Variants in DAB2IP observed in about 807,000 individuals in gnomAD.
DAB2IP encodes the protein disabled homolog 2-interacting protein.
DAB2IP carries 28 observed loss-of-function variants against 107.2 expected under a neutral mutation model. The ratio of observed to expected loss-of-function variants is 0.26; its 90% CI spans 0.19 to 0.36. The LOEUF is 0.36. Among genes scored for constraint, DAB2IP ranks in the 10% least tolerant of loss-of-function variants. The pLI, the probability that DAB2IP is intolerant of heterozygous loss-of-function variation, is 1.00. For missense variants in DAB2IP, 1,400 were observed against 1,644.7 expected (o/e 0.85, Z 2.57); for synonymous variants, 755 against 706.4 (o/e 1.07, Z -1.09).
intron 9 of DAB2IP, among the ~76,000 whole-genome samples, chr9:121,767,940 A>G (rs1834400707): frequency 6.6e-6 from 1 of 152,104 alleles, no homozygotes; most frequent in Non-Finnish European, 1.5e-5. Context: ...TCTCAGGTGT[A>G]TCTGTATGGG....
chr9:121,623,190 C>T (rs538943094), intron 1 of DAB2IP, among the ~76,000 whole-genome samples: 4 of 152,326 alleles, frequency 2.6e-5, no homozygotes, highest in African/African-American at 7.2e-5. Flanking sequence ...CGCTGTGACA[C>T]GGCATGGCCA....
exon 16 of DAB2IP, chr9:121,783,717 G>GC (rs1170353527): frequency 3.3e-6 from 3 of 916,104 alleles, no homozygotes; most frequent in East Asian, 2.5e-5. Context: ...ACCCTTCCCG[G>GC]CCCCCGGCCA....
intron 1 of DAB2IP, among the ~76,000 whole-genome samples, chr9:121,572,488 C>T (rs1157419446): frequency 2.6e-5 from 4 of 152,268 alleles, no homozygotes; most frequent in East Asian, 1.9e-4. Flanking sequence ...TAACTTGCTC[C>T]GCATCCTTAG....
chr9:121,744,295 A>G lies in DAB2IP; in HGVS notation c.363-12718A>G, dbSNP rs1025837384. On this transcript the variant is annotated intron_variant, in intron 3 of 15. Coordinates refer to ENST00000408936, the Ensembl canonical transcript of DAB2IP. The stretch of plus-strand genomic sequence containing the variant: ...TGGAGGCGGGTGGGAGACTGGGAAG[A>G]CTGTGTCTGGGCCAGGAGCGTGTTT... Among the ~76,000 whole-genome samples, 3 of 152,156 alleles carry G rather than the reference A, an allele frequency of 2.0e-5. No homozygotes were observed. The East Asian group carries it at 5.8e-4, about 29-fold the overall frequency.
At chr9:121,717,643 C>T (rs1335482297) in intron 3 of DAB2IP, among the ~76,000 whole-genome samples, 1 of 152,260 alleles carries the variant, frequency 6.6e-6, no homozygotes, top group Non-Finnish European at 1.5e-5. Context: ...ATAGTTCTGG[C>T]TGCCGTGCCT....
intron 1 of DAB2IP, among the ~76,000 whole-genome samples, chr9:121,656,794 A>G (rs1046199487): frequency 6.6e-6 from 1 of 152,368 alleles, no homozygotes; most frequent in Admixed American, 6.5e-5. Context: ...TTCATAGGTG[A>G]GGAGACTGTA....
intron 3 of DAB2IP, among the ~76,000 whole-genome samples, chr9:121,727,522 A>G (rs1404281840): frequency 2.6e-5 from 4 of 152,216 alleles, no homozygotes; most frequent in Admixed American, 1.3e-4. Context: ...TTAGGATTCA[A>G]AAAGCCAGGG....
intron 1 of DAB2IP, among the ~76,000 whole-genome samples, chr9:121,577,957 G>C (rs1243781212): frequency 2.0e-5 from 3 of 152,088 alleles, no homozygotes; most frequent in Non-Finnish European, 4.4e-5. Flanking sequence ...CCTCCAGGCG[G>C]GGGTAGAGGT....
chr9:121,759,865 G>A lies in DAB2IP; in HGVS notation c.616-20G>A, dbSNP rs755095284. ...CGTGGCACCCCCAGCTGACCACCCT[G>A]GACCCCCGTGCACATACAGGACAAC... is the stretch of plus-strand genomic sequence containing the variant. On this transcript the variant is annotated intron_variant, in intron 5 of 15. Coordinates refer to ENST00000408936, the Ensembl canonical transcript of DAB2IP. 10 of 1,598,522 alleles carry A rather than the reference G, an allele frequency of 6.3e-6. No individual in the cohort carries two copies. In the Admixed American group the frequency reaches 1.7e-4, roughly 27 times the overall value.
At chr9:121,721,627 T>C (rs1830939908) in intron 3 of DAB2IP, among the ~76,000 whole-genome samples, 1 of 152,134 alleles carries the variant, frequency 6.6e-6, no homozygotes, top group African/African-American at 2.4e-5. Flanking sequence ...AATCTAGAGG[T>C]TTTTTTGTGA....
chr9:121,762,902 G>A (rs568771291), intron 6 of DAB2IP, among the ~76,000 whole-genome samples: 3 of 152,192 alleles, frequency 2.0e-5, no homozygotes, highest in Non-Finnish European at 4.4e-5. Flanking sequence ...TGCTACCCTG[G>A]ATTGCCAGGT....
At chr9:121,619,126 G>T (rs1357413084) in intron 1 of DAB2IP, among the ~76,000 whole-genome samples, 1 of 152,014 alleles carries the variant, frequency 6.6e-6, no homozygotes, top group Non-Finnish European at 1.5e-5. Context: ...TGGCTCCAGG[G>T]AGAGCTTCGT....
chr9:121,659,971 C>T (rs921071524), intron 1 of DAB2IP, among the ~76,000 whole-genome samples: 3 of 151,906 alleles, frequency 2.0e-5, no homozygotes, highest in African/African-American at 7.3e-5. Context: ...GTGCCAGGGG[C>T]TGCCACAGCA....
At chr9:121,574,766 C>T (rs1267828029) in intron 1 of DAB2IP, 1 of 152,204 alleles carries the variant, frequency 6.6e-6, no homozygotes, top group Non-Finnish European at 1.5e-5. Context: ...AGGGCCCTTT[C>T]CCATGCCCAG....
chr9:121,778,326 T>C (rs1482166040), intron 14 of DAB2IP, among the ~76,000 whole-genome samples: 2 of 152,196 alleles, frequency 1.3e-5, no homozygotes, highest in Non-Finnish European at 2.9e-5. Flanking sequence ...TGTCAACATA[T>C]GAATTTAGAA....
chr9:121,683,036 G>T (rs886504912), intron 2 of DAB2IP, among the ~76,000 whole-genome samples: 2 of 152,168 alleles, frequency 1.3e-5, no homozygotes, highest in Non-Finnish European at 2.9e-5. Flanking sequence ...AGGCTCCTGA[G>T]ATTCAAACCC....
intron 13 of DAB2IP, among the ~76,000 whole-genome samples, chr9:121,774,819 G>A (rs1835076707): frequency 6.6e-6 from 1 of 152,074 alleles, no homozygotes; most frequent in South Asian, 2.1e-4. Flanking sequence ...CAGAGGCATG[G>A]GTCCCCAGGA....
At chr9:121,696,785 G>A (rs1227038319) in intron 2 of DAB2IP, among the ~76,000 whole-genome samples, 2 of 152,196 alleles carry the variant, frequency 1.3e-5, no homozygotes, top group African/African-American at 4.8e-5. Flanking sequence ...TCTGTCATAT[G>A]CAGGGTCCTG....
chr9:121,742,256 C>T (rs1484034608), intron 3 of DAB2IP, among the ~76,000 whole-genome samples: 2 of 152,252 alleles, frequency 1.3e-5, no homozygotes, highest in East Asian at 1.9e-4. Flanking sequence ...GGTGAAACCC[C>T]GTCTCTACTA....
Sources: allele counts gnomAD v4.1 joint callset (sites outside exome capture counted in the v4.1 genomes callset), GRCh38; gene constraint gnomAD v4.1.1; transcripts MANE v1.5; gene names NCBI Gene and HGNC (gene_info 2026-07-23, HGNC 2026-07-21).